NTM: variants seen among roughly 807,000 people sequenced by gnomAD.
NTM encodes the protein neurotrimin.
Under a neutral mutation model 42.1 loss-of-function variants are expected in NTM, and 13 were observed. The ratio of observed to expected loss-of-function variants is 0.31; its 90% confidence interval spans 0.20 to 0.49. The LOEUF is 0.49. NTM is among the 20% of genes least tolerant of loss of function. NTM has a pLI of 0.99. For missense variants in NTM, 373 were observed against 452.8 expected, an observed-to-expected ratio of 0.82 and a Z score of 1.60; for synonymous variants, 187 against 179.2, an observed-to-expected ratio of 1.04 and a Z score of -0.35.
At chr11:132,320,516 G>A (rs570239927) in intron 7 of NTM, among the ~76,000 whole-genome samples, 241 of 152,304 alleles carry the variant, frequency 1.6e-3, no homozygotes, top group Non-Finnish European at 2.4e-3. Flanking sequence ...CAGCTGGCTC[G>A]GAGGGTCCTA....
At chr11:132,008,639 A>G (rs1408728524) in intron 2 of NTM, among the ~76,000 whole-genome samples, 1 of 151,930 alleles carries the variant, frequency 6.6e-6, no homozygotes, top group Admixed American at 6.6e-5. Flanking sequence ...CCTCCCTGGC[A>G]TTACAAATGC....
intron 2 of NTM, among the ~76,000 whole-genome samples, chr11:132,106,213 C>T (rs563035368): frequency 6.6e-6 from 1 of 152,334 alleles, no homozygotes; most frequent in African/African-American, 2.4e-5. Flanking sequence ...TAAATGAACA[C>T]ATTCATATTC....
At chr11:131,540,589 T>G (rs1315965693) in intron 1 of NTM, 1 of 152,224 alleles carries the variant, frequency 6.6e-6, no homozygotes, top group Non-Finnish European at 1.5e-5. Context: ...TCAATTGGCA[T>G]GGCTGAATAT....
At chr11:131,653,750 T>C (rs2134369493) in intron 1 of NTM, among the ~76,000 whole-genome samples, 1 of 152,308 alleles carries the variant, frequency 6.6e-6, no homozygotes, top group Non-Finnish European at 1.5e-5. Context: ...AAGCACCCCC[T>C]CAGAGGGCTC....
intron 1 of NTM, among the ~76,000 whole-genome samples, chr11:131,490,276 C>T (rs1399900857): frequency 6.6e-6 from 1 of 152,148 alleles, no homozygotes; most frequent in East Asian, 1.9e-4. Context: ...CAGAGCTCCC[C>T]CTAACCTGCT....
intron 2 of NTM, among the ~76,000 whole-genome samples, chr11:131,974,574 C>T (rs986421073): frequency 6.6e-6 from 1 of 152,138 alleles, no homozygotes; most frequent in East Asian, 1.9e-4. Flanking sequence ...ACAAAAGATA[C>T]GTGTAATGTG....
intron 2 of NTM, among the ~76,000 whole-genome samples, chr11:131,972,123 G>GAA (rs2063650092): frequency 2.0e-5 from 3 of 150,508 alleles, no homozygotes; most frequent in Non-Finnish European, 2.9e-5. Context: ...TGAGGCAAGA[G>GAA]GATCCCTTGA....
chr11:131,826,644 C>T (rs1467966518), intron 1 of NTM, among the ~76,000 whole-genome samples: 2 of 151,272 alleles, frequency 1.3e-5, no homozygotes, highest in East Asian at 3.9e-4. Flanking sequence ...AGAGCAAAGG[C>T]CAGGAGTGGG....
chr11:132,096,675 G>T (rs147016582), intron 2 of NTM, among the ~76,000 whole-genome samples: 1 of 152,260 alleles, frequency 6.6e-6, no homozygotes. Flanking sequence ...GGCTCCGCTC[G>T]GCCAGCAGAA....
intron 1 of NTM, among the ~76,000 whole-genome samples, chr11:131,729,073 T>C (rs2079307638): frequency 1.3e-5 from 2 of 152,202 alleles, no homozygotes; most frequent in Admixed American, 1.3e-4. Context: ...CTATATGGAT[T>C]TGAAATCTAA....
At chr11:132,304,144 G>A (rs188861600) in intron 4 of NTM, among the ~76,000 whole-genome samples, 1 of 152,298 alleles carries the variant, frequency 6.6e-6, no homozygotes, top group East Asian at 1.9e-4. Flanking sequence ...TAATAAGGGA[G>A]TAGAGTTTGT....
chr11:131,618,325 C>A (rs1003987516), intron 1 of NTM, among the ~76,000 whole-genome samples: 1 of 152,180 alleles, frequency 6.6e-6, no homozygotes, highest in African/African-American at 2.4e-5. Context: ...TCGTAAACTC[C>A]CTGATGCACT....
In NTM at chr11:132,146,782, T is replaced by C; in HGVS notation, c.400+268T>C. The C allele has an allele frequency of 2.3e-6, 1 of 430,752 alleles. No homozygotes were observed. The allele number at this position is 430,752 out of a possible 1,614,324, so 26.7% of individuals were successfully genotyped here. Reference sequence around the variant, plus strand: ...TCTTGTAATTATTGCTCTTCTTGGCTTTTTTCTCCCCTAAGTTTTAGTTAT... The same window carrying C: ...TCTTGTAATTATTGCTCTTCTTGGCCTTTTTCTCCCCTAAGTTTTAGTTAT... On this transcript the variant is annotated intron_variant, in intron 3 of 8. Transcript: ENST00000683400. The surrounding 1 kb of genome is among the most constrained non-coding windows in gnomAD (Gnocchi z 4.5).
chr11:131,610,897 G>T (rs2061414092), intron 1 of NTM, among the ~76,000 whole-genome samples: 1 of 152,228 alleles, frequency 6.6e-6, no homozygotes, highest in African/African-American at 2.4e-5. Flanking sequence ...AAGGATTTTA[G>T]AGCAGAAGAG....
rs1945130378 is a variant in NTM at position 131,401,519 on chromosome 11, T to C, written c.82+30631T>C. On this transcript the variant is annotated intron_variant, in intron 1 of 8. Coordinates refer to ENST00000683400, the MANE Select transcript of NTM (RefSeq NM_001352005.2). ...GTAATATGTAGCCATACTTGATACA[T>C]AGTAGATACTCAGTAAAGACATGAT... Among the ~76,000 whole-genome samples, 5 of 151,916 alleles carry C rather than the reference T, an allele frequency of 3.3e-5. No homozygotes were observed. In the South Asian group the frequency reaches 1.0e-3, roughly 32 times the overall value.
chr11:132,214,172 T>A (rs2083395063), intron 4 of NTM, among the ~76,000 whole-genome samples: 1 of 152,122 alleles, frequency 6.6e-6, no homozygotes, highest in South Asian at 2.1e-4. Context: ...GTGCATGAGA[T>A]CATTAGTGAT....
chr11:131,513,776 T>C (rs2048547516), intron 1 of NTM, among the ~76,000 whole-genome samples: 1 of 152,136 alleles, frequency 6.6e-6, no homozygotes, highest in African/African-American at 2.4e-5. Context: ...TTATAAGTAT[T>C]GTTGTGTAAA....
intron 8 of NTM, among the ~76,000 whole-genome samples, chr11:132,330,630 G>A (rs1388724758): frequency 6.6e-6 from 1 of 152,156 alleles, no homozygotes; most frequent in Admixed American, 6.5e-5. Flanking sequence ...GGGAGGAAGG[G>A]GGAGGTTCTT....
At chr11:132,171,440 C>CT (rs1422414632) in intron 3 of NTM, among the ~76,000 whole-genome samples, 1 of 152,154 alleles carries the variant, frequency 6.6e-6, no homozygotes. Flanking sequence ...ATGACGACAC[C>CT]TTTTTGTTGT....
Sources: gnomAD v4.1 joint callset for allele counts (sites outside exome capture counted in the v4.1 genomes callset) on GRCh38, gnomAD v4.1.1 for gene constraint, Gnocchi (gnomAD v3.1) non-coding constraint, MANE v1.5 for transcripts, NCBI Gene and HGNC (gene_info 2026-07-23, HGNC 2026-07-21) for gene names.